The following CNTNAP3B variants were observed in gnomAD, a reference collection of about 807,000 sequenced individuals.
CNTNAP3B encodes the protein contactin-associated protein-like 3B.
CNTNAP3B carries 25 observed loss-of-function variants against 108.9 expected under a neutral mutation model. The ratio of observed to expected loss-of-function variants is 0.23; its 90% CI spans 0.17 to 0.32. CNTNAP3B has a LOEUF of 0.32. Among genes scored for constraint, CNTNAP3B ranks in the 10% least tolerant of loss-of-function variants. CNTNAP3B has a pLI of 1.00. For synonymous variants in CNTNAP3B, 103 were observed against 473.4 expected, an observed-to-expected ratio of 0.22 and a Z score of 10.16; for missense variants, 252 against 1,210.4, an observed-to-expected ratio of 0.21 and a Z score of 11.75.
intron 2 of CNTNAP3B, among the ~76,000 whole-genome samples, chr9:42,083,004 A>G (rs1435241327): frequency 5.8e-5 from 8 of 139,054 alleles, no homozygotes; most frequent in African/African-American, 1.4e-4. Context: ...GGAAAAATAT[A>G]TATTATGCTA....
chr9:42,077,620 G>T lies in CNTNAP3B; in HGVS notation c.197-558C>A, dbSNP rs1281591338. Among the ~76,000 whole-genome samples the T allele has an allele frequency of 3.5e-4, 46 of 133,220 alleles. 3 individuals carry two copies. 87.4% of individuals were successfully genotyped at this position (133,220 alleles called of 152,430 possible). A position where few individuals can be genotyped will look rare whatever the true frequency, so the allele number is the denominator to read the frequency against. On this transcript the variant is annotated intron_variant, in intron 2 of 23. Transcript: ENST00000377561. ...AGAGTGATGGTTACGAGGAACTGGG[G>T]TGTGGAGGAGATATTGGTTAAAAAA... is the stretch of plus-strand genomic sequence containing the variant.
intron 12 of CNTNAP3B, among the ~76,000 whole-genome samples, chr9:41,958,852 TGAG>T (rs1438285898): frequency 2.7e-5 from 4 of 145,656 alleles, no homozygotes; most frequent in African/African-American, 7.9e-5. Flanking sequence ...TCTGGAAGCA[TGAG>T]GAGATTTTTC....
intron 13 of CNTNAP3B, among the ~76,000 whole-genome samples, chr9:41,941,071 T>C (rs1425545241): frequency 6.7e-6 from 1 of 149,578 alleles, no homozygotes; most frequent in Non-Finnish European, 1.5e-5. Context: ...CTCAAGACAA[T>C]GATATTTAGA....
In CNTNAP3B at chr9:41,925,629, T is replaced by C. The variant is rs1404520356; in HGVS notation, c.2366-1536A>G. Among the ~76,000 whole-genome samples the C allele has an allele frequency of 1.2e-4, 19 of 152,410 alleles. No individual in the cohort carries two copies. The South Asian group carries it at 3.5e-3, about 28-fold the overall frequency. On this transcript the variant is annotated intron_variant, in intron 15 of 23. Coordinates refer to ENST00000377561, the MANE Select transcript of CNTNAP3B (RefSeq NM_001201380.3). ...AACAAACAAACCAAGAAATAGCTTT[T>C]CTCTTGATCTTTTACTAATTTATTT...
intron 12 of CNTNAP3B, among the ~76,000 whole-genome samples, chr9:41,954,842 C>T (rs1306814664): frequency 6.6e-6 from 1 of 152,250 alleles, no homozygotes; most frequent in Non-Finnish European, 1.5e-5. Context: ...CACCACCACA[C>T]CTGGCTAATT....
intron 3 of CNTNAP3B, among the ~76,000 whole-genome samples, chr9:42,060,174 C>A (rs1203041250): frequency 7.2e-6 from 1 of 137,954 alleles, no homozygotes; most frequent in African/African-American, 2.9e-5. Context: ...ATATGTGACC[C>A]TTATTTTGTC....
intron 14 of CNTNAP3B, among the ~76,000 whole-genome samples, chr9:41,930,766 G>T (rs1376161409): frequency 6.6e-6 from 1 of 152,274 alleles, no homozygotes; most frequent in Non-Finnish European, 1.5e-5. Flanking sequence ...ATCCCCTAGG[G>T]GAACCTGGGG....
At chr9:42,113,580 G>A (rs1828241813) in intron 1 of CNTNAP3B, among the ~76,000 whole-genome samples, 1 of 139,578 alleles carries the variant, frequency 7.2e-6, no homozygotes, top group Non-Finnish European at 1.5e-5. Flanking sequence ...AGAAAATCAT[G>A]TGGCGATGTC....
intron 1 of CNTNAP3B, among the ~76,000 whole-genome samples, chr9:42,110,885 T>C (rs971911797): frequency 7.1e-6 from 1 of 140,324 alleles, no homozygotes; most frequent in Non-Finnish European, 1.5e-5. Flanking sequence ...TGCATTGCTA[T>C]CTAGAGGGAA....
chr9:41,945,452 T>C (rs1019286255), intron 13 of CNTNAP3B, among the ~76,000 whole-genome samples: 1 of 152,308 alleles, frequency 6.6e-6, no homozygotes, highest in African/African-American at 2.4e-5. Context: ...AAGGATGAGT[T>C]CATGTCCTTT....
chr9:41,947,487 A>G (rs1468633080), intron 13 of CNTNAP3B, among the ~76,000 whole-genome samples: 1 of 152,200 alleles, frequency 6.6e-6, no homozygotes, highest in Non-Finnish European at 1.5e-5. Context: ...TACATGAAAA[A>G]CTAAATGAAA....
At chr9:41,931,975 T>C (rs1588047197) in intron 14 of CNTNAP3B, among the ~76,000 whole-genome samples, 1 of 152,194 alleles carries the variant, frequency 6.6e-6, no homozygotes, top group East Asian at 1.9e-4. Flanking sequence ...TTAGGGCAGA[T>C]ACTATAATAA....
Position 41,996,235 on chromosome 9 carries a change from G to C in CNTNAP3B, c.1041C>G (p.Ala347=), listed in dbSNP as rs1389714997. The change falls in exon 7 of 24, where the codon GCC becomes GCG. Residue 347 remains alanine, a synonymous_variant. Coordinates refer to ENST00000377561, the MANE Select transcript of CNTNAP3B (RefSeq NM_001201380.3). The part of the protein sequence containing the change: ...YYNGVDVTEL[A]KKHKPQILMM... Reference sequence around the variant, plus strand: ...TGAGGATCTGTGGTTTGTGTTTCTTGGCTAATTCGGTAACATCCACTCCAT... The same window carrying C: ...TGAGGATCTGTGGTTTGTGTTTCTTCGCTAATTCGGTAACATCCACTCCAT... The C allele has an allele frequency of 3.7e-6, 5 of 1,366,836 alleles. No individual in the cohort carries two copies. Among genetic ancestry groups the C allele is most frequent in the Non-Finnish European group, 5.0e-6 (5 of 992,862 alleles). 84.7% of individuals were successfully genotyped at this position (1,366,836 alleles called of 1,614,324 possible). A position where few individuals can be genotyped will look rare whatever the true frequency, so the allele number is the denominator to read the frequency against.
intron 1 of CNTNAP3B, among the ~76,000 whole-genome samples, chr9:42,126,567 C>CTT (rs780785918): frequency 2.4e-5 from 3 of 127,614 alleles, no homozygotes; most frequent in Non-Finnish European, 3.3e-5. Flanking sequence ...GTTTAGAGAG[C>CTT]TTTTTTTTTT....
chr9:42,035,453 C>A (rs1323240797), intron 3 of CNTNAP3B, among the ~76,000 whole-genome samples: 2 of 146,030 alleles, frequency 1.4e-5, no homozygotes, highest in African/African-American at 5.2e-5. Flanking sequence ...AAGATAAAAT[C>A]ACTCAGAAGA....
chr9:41,934,120 T>C (rs866330149), intron 14 of CNTNAP3B, among the ~76,000 whole-genome samples: 61 of 120,420 alleles, frequency 5.1e-4, no homozygotes, highest in African/African-American at 1.4e-3. Flanking sequence ...TATATATATA[T>C]ATACACACAC....
chr9:41,964,736 A>T (rs1825216946), intron 10 of CNTNAP3B, 92 bp from the exon 11 acceptor site: 1 of 1,516,942 alleles, frequency 6.6e-7, no homozygotes, highest in African/African-American at 1.4e-5. Context: ...AAAGGCCAGC[A>T]TACGCAAGAT....
At chr9:41,958,290 C>T (rs1824937828) in intron 12 of CNTNAP3B, among the ~76,000 whole-genome samples, 1 of 152,304 alleles carries the variant, frequency 6.6e-6, no homozygotes, top group South Asian at 2.1e-4. Flanking sequence ...TTGTTGTTGT[C>T]ACAATGCTGT....
chr9:41,936,213 G>A (rs1181443644), intron 14 of CNTNAP3B, among the ~76,000 whole-genome samples: 12 of 152,264 alleles, frequency 7.9e-5, no homozygotes, highest in Admixed American at 6.5e-5. Flanking sequence ...GGAGGCGCAG[G>A]TTGCAGTGAG....
Sources: gnomAD v4.1 joint callset for allele counts (sites outside exome capture counted in the v4.1 genomes callset) on GRCh38, gnomAD v4.1.1 for gene constraint, MANE v1.5 for transcripts, NCBI Gene and HGNC (gene_info 2026-07-23, HGNC 2026-07-21) for gene names.